The following EYA4 variants were observed in gnomAD, a reference collection of about 807,000 sequenced individuals.
EYA4 encodes the protein protein phosphatase EYA4.
EYA4 carries 31 observed loss-of-function variants against 87.9 expected under a neutral mutation model. That is an observed-to-expected ratio of 0.35 (90% CI 0.27 to 0.48). The LOEUF (loss-of-function observed/expected upper bound fraction) is 0.48, where lower values mean the gene tolerates loss of function less well. Among genes scored for constraint, EYA4 ranks in the 20% least tolerant of loss-of-function variants. The pLI, the probability that EYA4 is intolerant of heterozygous loss-of-function variation, is 0.99. For synonymous variants in EYA4, 263 were observed against 270.6 expected (o/e 0.97, Z 0.28); for missense variants, 678 against 761.4 (o/e 0.89, Z 1.29).
At chr6:133,316,235 T>G (rs1780610281) in intron 2 of EYA4, among the ~76,000 whole-genome samples, 1 of 152,120 alleles carries the variant, frequency 6.6e-6, no homozygotes, top group African/African-American at 2.4e-5. Context: ...TTTAGAGATT[T>G]CTTTGATATT....
intron 3 of EYA4, among the ~76,000 whole-genome samples, chr6:133,433,723 G>A (rs933808466): frequency 2.0e-5 from 3 of 152,226 alleles, no homozygotes; most frequent in Non-Finnish European, 2.9e-5. Flanking sequence ...ACTTCACTGG[G>A]AAAGAGGACA....
intron 11 of EYA4, among the ~76,000 whole-genome samples, chr6:133,477,962 AAAG>A (rs1795887853): frequency 6.6e-6 from 1 of 152,134 alleles, no homozygotes; most frequent in Admixed American, 6.6e-5. Flanking sequence ...ACTTCATTAA[AAAG>A]AAGATATCAA....
At chr6:133,360,081 G>T (rs1784343780) in intron 2 of EYA4, 1 of 152,126 alleles carries the variant, frequency 6.6e-6, no homozygotes, top group African/African-American at 2.4e-5. Context: ...AGAAAGGAAA[G>T]AAGTAATACC....
chr6:133,494,923 G>A (rs1443019820), intron 13 of EYA4, among the ~76,000 whole-genome samples: 1 of 152,052 alleles, frequency 6.6e-6, no homozygotes, highest in Non-Finnish European at 1.5e-5. Context: ...TTGAGGTGAT[G>A]GATACCCCAT....
intron 3 of EYA4, among the ~76,000 whole-genome samples, chr6:133,417,946 A>G (rs1216538023): frequency 6.6e-6 from 1 of 152,114 alleles, no homozygotes; most frequent in African/African-American, 2.4e-5. Flanking sequence ...TAAACCTGTT[A>G]TATCAGTCTA....
At chr6:133,311,462 A>G (rs532984640) in intron 2 of EYA4, among the ~76,000 whole-genome samples, 1 of 152,076 alleles carries the variant, frequency 6.6e-6, no homozygotes, top group Non-Finnish European at 1.5e-5. Context: ...AGTAGCTGTG[A>G]CTACGGGTGT....
intron 2 of EYA4, among the ~76,000 whole-genome samples, chr6:133,326,855 GAT>G (rs1320250960): frequency 6.6e-6 from 1 of 152,074 alleles, no homozygotes. Context: ...CCAATTACAT[GAT>G]TCCATCTCTT....
intron 1 of EYA4, among the ~76,000 whole-genome samples, chr6:133,273,005 C>G (rs759114547): frequency 6.6e-6 from 1 of 150,922 alleles, no homozygotes; most frequent in Non-Finnish European, 1.5e-5. Context: ...TTAAGGCACC[C>G]GATGCTGATG....
intron 11 of EYA4, among the ~76,000 whole-genome samples, chr6:133,479,942 G>A (rs2128703831): frequency 6.6e-6 from 1 of 152,260 alleles, no homozygotes; most frequent in African/African-American, 2.4e-5. Flanking sequence ...TCATTTCAGA[G>A]TTTTAGATAT....
chr6:133,304,226 T>C (rs1187039993), intron 2 of EYA4, among the ~76,000 whole-genome samples: 2 of 152,146 alleles, frequency 1.3e-5, no homozygotes, highest in Non-Finnish European at 2.9e-5. Context: ...TTTTAGATTC[T>C]GGGGATACAT....
Position 133,398,009 on chromosome 6 carries a change from G to T in EYA4, c.83+15568G>T, listed in dbSNP as rs539682057. 2.6e-5 allele frequency among the ~76,000 whole-genome samples: 4 copies of T among 152,252 alleles called. No homozygotes were observed. The East Asian group carries it at 7.7e-4, about 29-fold the overall frequency. On this transcript the variant is annotated intron_variant, in intron 3 of 19. Coordinates refer to ENST00000355286, the MANE Select transcript of EYA4 (RefSeq NM_004100.5). ...CATGTTTCTTACAGTGCATTGTTTT[G>T]TGTGTCTTTTCCCCTATGGCCATAC...
At chr6:133,391,855 C>A (rs1787322953) in intron 3 of EYA4, among the ~76,000 whole-genome samples, 1 of 152,112 alleles carries the variant, frequency 6.6e-6, no homozygotes, top group African/African-American at 2.4e-5. Flanking sequence ...CCAGTTTTAT[C>A]CAGCACCTAC....
chr6:133,262,891 C>T (rs1190288454), intron 1 of EYA4, among the ~76,000 whole-genome samples: 1 of 152,222 alleles, frequency 6.6e-6, no homozygotes, highest in East Asian at 1.9e-4. Flanking sequence ...TCATCCAGAT[C>T]TGTTTCTTGG....
intron 2 of EYA4, among the ~76,000 whole-genome samples, chr6:133,338,591 A>G (rs148965683): frequency 7.0e-4 from 107 of 152,300 alleles, no homozygotes; most frequent in African/African-American, 2.5e-3. Context: ...TATTAAATCT[A>G]TAGTCACAGA....
intron 3 of EYA4, among the ~76,000 whole-genome samples, chr6:133,412,214 C>A (rs981623783): frequency 6.6e-6 from 1 of 152,170 alleles, no homozygotes; most frequent in East Asian, 1.9e-4. Context: ...TCATGACTTT[C>A]ATGATGTAAG....
At chr6:133,313,582 T>A in intron 2 of EYA4, among the ~76,000 whole-genome samples, 1 of 152,234 alleles carries the variant, frequency 6.6e-6, no homozygotes. Flanking sequence ...GCGAGGTTAG[T>A]TGTTGCTATT....
At chr6:133,302,964 C>T (rs547263310) in intron 2 of EYA4, among the ~76,000 whole-genome samples, 2 of 152,158 alleles carry the variant, frequency 1.3e-5, no homozygotes, top group Non-Finnish European at 2.9e-5. Context: ...GTCTCAGTTG[C>T]AGCTGCTTAA....
chr6:133,412,194 T>C (rs1233748234), intron 3 of EYA4, among the ~76,000 whole-genome samples: 1 of 152,240 alleles, frequency 6.6e-6, no homozygotes, highest in Non-Finnish European at 1.5e-5. Flanking sequence ...TATATAGATA[T>C]ATAGCCAGAT....
At chr6:133,482,149 A>C (rs6900743) in intron 12 of EYA4, among the ~76,000 whole-genome samples, 9,056 of 152,292 alleles carry the variant, frequency 0.059, 871 homozygotes, top group African/African-American at 0.2. Flanking sequence ...ATTTTTATAT[A>C]CAACATCAGT....
Sources: gnomAD v4.1 joint callset for allele counts (sites outside exome capture counted in the v4.1 genomes callset) on GRCh38, gnomAD v4.1.1 for gene constraint, MANE v1.5 for transcripts, NCBI Gene and HGNC (gene_info 2026-07-23, HGNC 2026-07-21) for gene names.